Variants in RAD54L2 observed in about 807,000 individuals in gnomAD.
The protein encoded by RAD54L2 is helicase ARIP4.
In RAD54L2, 27 loss-of-function variants were observed where a neutral mutation model predicts 138.4. The observed-to-expected ratio is 0.20, with a 90% confidence interval of 0.14 to 0.27. RAD54L2 has a LOEUF of 0.27. Among genes scored for constraint, RAD54L2 ranks in the 10% least tolerant of loss-of-function variants. The probability of loss-of-function intolerance (pLI) is 1.00; values close to 1 mark genes in which losing one functional copy is unlikely to be tolerated. For synonymous variants in RAD54L2, 644 were observed against 723.2 expected (o/e 0.89, Z 1.76); for missense variants, 1,396 against 1,890.2 (o/e 0.74, Z 4.85).
chr3:51,627,804 C>T (rs756210092), intron 4 of RAD54L2, 50 bp downstream of exon 4: 1 of 1,593,316 alleles, frequency 6.3e-7, no homozygotes, highest in Non-Finnish European at 8.6e-7. Flanking sequence ...GAGATTTTAC[C>T]TTCATCTTAA....
intron 3 of RAD54L2, among the ~76,000 whole-genome samples, chr3:51,609,764 G>C (rs542013528): frequency 6.6e-6 from 1 of 151,246 alleles, no homozygotes; most frequent in South Asian, 2.1e-4. Context: ...GTGTTTCAAA[G>C]TGTTCACCTG....
In RAD54L2 at chr3:51,639,617, G is replaced by A. The variant is rs532971546; in HGVS notation, c.2059G>A (p.Val687Ile). ...AACCAATAGCAAGTTCCTACAGGGC[G>A]TTGGCTTCAACCCTTTCCAGGAGCG... ...EATNSKFLQG[V>I]GFNPFQERGN... The change falls in exon 13 of 23, where the codon GTT becomes ATT. Residue 687 changes from valine to isoleucine, a missense_variant. Transcript: ENST00000684192. 24 of 1,613,882 alleles carry A rather than the reference G, an allele frequency of 1.5e-5. No homozygotes were observed. In the Admixed American group the frequency reaches 1.5e-4, roughly 10 times the overall value.
chr3:51,625,678 T>C (rs1700661298), intron 3 of RAD54L2, among the ~76,000 whole-genome samples: 1 of 151,586 alleles, frequency 6.6e-6, no homozygotes, highest in African/African-American at 2.4e-5. Flanking sequence ...GGCCAACATA[T>C]CGAGACCTTG....
rs1701883378 is a variant in RAD54L2, at chr3:51,664,969, A to G, written c.*1549A>G. On this transcript the variant is annotated 3_prime_UTR_variant, in exon 23 of 23. Coordinates refer to ENST00000684192, the MANE Select transcript of RAD54L2 (RefSeq NM_015106.4). ...GTTCGAAAATATCTTCAGGTGGTCC[A>G]TGTAGGCCTGGTGTCTGCTGCCTCC... The G allele has an allele frequency of 1.3e-5, 2 of 152,168 alleles. No individual in the cohort carries two copies. 9.4% of individuals were successfully genotyped at this position (152,168 alleles called of 1,614,324 possible).
intron 7 of RAD54L2, among the ~76,000 whole-genome samples, 190 bp from the exon 8 acceptor site, chr3:51,633,387 G>GT (rs1342183010): frequency 2.0e-5 from 3 of 152,152 alleles, no homozygotes; most frequent in Non-Finnish European, 4.4e-5. Flanking sequence ...ATCCTTTTCT[G>GT]TTTTTTCCAA....
chr3:51,602,426 T>C (rs957511908), intron 3 of RAD54L2, among the ~76,000 whole-genome samples: 2 of 152,206 alleles, frequency 1.3e-5, no homozygotes, highest in African/African-American at 2.4e-5. Context: ...ACGTGACTAC[T>C]CTCCAGCCCA....
Position 51,662,655 on chromosome 3 carries a change from TGC to T in RAD54L2, c.3640_3641del (p.Ala1214CysfsTer9). On this transcript the variant is annotated frameshift_variant, in exon 23 of 23. Coordinates refer to ENST00000684192, the MANE Select transcript of RAD54L2 (RefSeq NM_015106.4). LOFTEE classifies it high-confidence loss of function. The surrounding 1 kb of genome is among the most constrained non-coding windows in gnomAD (Gnocchi z 4.6). ...CCCCGGCCCAACTTATGGACAGCAG[TGC>T]TGTTCCCGGGACAGCTCTCGGAACT... ...GPPAQLMDSS[A>X]VPGTALGTEP... 1.2e-6 allele frequency: 2 copies of T among 1,613,426 alleles called. No homozygotes were observed. The highest frequency in any genetic ancestry group is 1.7e-6 in the Non-Finnish European group (2 of 1,179,674).
chr3:51,548,456 G>A (rs1698755364), intron 2 of RAD54L2, among the ~76,000 whole-genome samples: 1 of 152,180 alleles, frequency 6.6e-6, no homozygotes, highest in Admixed American at 6.5e-5. Context: ...CCAAAGTGCT[G>A]GGATTACAGG....
At chr3:51,643,727 C>T (rs1701200121) in intron 15 of RAD54L2, 148 bp from the exon 16 acceptor site, 1 of 672,548 alleles carries the variant, frequency 1.5e-6, no homozygotes, top group Non-Finnish European at 2.6e-6. Context: ...GCCTTACTTA[C>T]TGTAGACCCA....
intron 21 of RAD54L2, among the ~76,000 whole-genome samples, chr3:51,658,565 G>A (rs779257781): frequency 9.9e-5 from 15 of 152,060 alleles, no homozygotes; most frequent in African/African-American, 2.2e-4. Context: ...CTGCACCCAC[G>A]TCTTCTATCC....
At chr3:51,597,445 G>A (rs1016656537) in intron 3 of RAD54L2, among the ~76,000 whole-genome samples, 8 of 151,926 alleles carry the variant, frequency 5.3e-5, no homozygotes, top group Non-Finnish European at 7.4e-5. Flanking sequence ...TAGGAGGTTC[G>A]GTACTTTAAC....
At chr3:51,648,951 C>T (rs1701357360) in intron 19 of RAD54L2, among the ~76,000 whole-genome samples, 1 of 152,104 alleles carries the variant, frequency 6.6e-6, no homozygotes, top group Non-Finnish European at 1.5e-5. Flanking sequence ...CGGAGAATGA[C>T]TTTGACGAGT....
At chr3:51,598,192 T>C (rs1010843279) in intron 3 of RAD54L2, among the ~76,000 whole-genome samples, 2 of 149,486 alleles carry the variant, frequency 1.3e-5, no homozygotes, top group African/African-American at 4.9e-5. Flanking sequence ...TATATATATA[T>C]ATATATTTGG....
chr3:51,586,099 G>C (rs1245531270), intron 2 of RAD54L2, among the ~76,000 whole-genome samples: 1 of 151,936 alleles, frequency 6.6e-6, no homozygotes, highest in African/African-American at 2.4e-5. Flanking sequence ...TGTTCTGAAA[G>C]GCTATGCCCA....
At chr3:51,561,631 G>C (rs996242078) in intron 2 of RAD54L2, among the ~76,000 whole-genome samples, 1 of 151,228 alleles carries the variant, frequency 6.6e-6, no homozygotes, top group Non-Finnish European at 1.5e-5. Flanking sequence ...TTGCAATCAC[G>C]GCTCACTGCA....
At chr3:51,582,119 C>G (rs1699618953) in intron 2 of RAD54L2, among the ~76,000 whole-genome samples, 1 of 151,966 alleles carries the variant, frequency 6.6e-6, no homozygotes, top group African/African-American at 2.4e-5. Context: ...GTTGCCCAGG[C>G]TGGTCTCAAA....
intron 3 of RAD54L2, among the ~76,000 whole-genome samples, chr3:51,613,699 AGGTTGCAGT>A (rs1258995898): frequency 7.0e-6 from 1 of 143,550 alleles, no homozygotes; most frequent in Non-Finnish European, 1.5e-5. Context: ...TGGGAGGCGG[AGGTTGCAGT>A]GAGCTGAGAT....
chr3:51,566,124 A>G (rs1439511057), intron 2 of RAD54L2, among the ~76,000 whole-genome samples: 8 of 152,106 alleles, frequency 5.3e-5, no homozygotes, highest in Non-Finnish European at 1.2e-4. Context: ...CACTGCGCCC[A>G]GCACTGAGCT....
intron 4 of RAD54L2, 49 bp from the exon 5 acceptor site, chr3:51,629,285 G>A (rs780317888): frequency 1.4e-5 from 21 of 1,544,698 alleles, no homozygotes; most frequent in Admixed American, 4.0e-5. Flanking sequence ...CCATTACATT[G>A]CCCAAATCTT....
Sources: gnomAD v4.1 joint callset for allele counts (sites outside exome capture counted in the v4.1 genomes callset) on GRCh38, gnomAD v4.1.1 for gene constraint, Gnocchi (gnomAD v3.1) non-coding constraint, MANE v1.5 for transcripts, NCBI Gene and HGNC (gene_info 2026-07-23, HGNC 2026-07-21) for gene names.